Variants in ME1 observed in about 807,000 individuals in gnomAD.
ME1 encodes the protein malic enzyme 1, also known as NADP-dependent malic enzyme.
A neutral mutation model predicts 66.4 loss-of-function variants in ME1; 74 were observed. That is an observed-to-expected ratio of 1.11 (90% confidence interval 0.92 to 1.35). The LOEUF (loss-of-function observed/expected upper bound fraction) is 1.35. Among genes scored for constraint, ME1 ranks in the 40% most tolerant of loss-of-function variants. The pLI is 0.00. For synonymous variants in ME1, 251 were observed against 235.6 expected (o/e 1.07, Z -0.60); for missense variants, 750 against 694.1 (o/e 1.08, Z -0.90).
chr6:83,272,246 T>C (rs1767096452), intron 6 of ME1, among the ~76,000 whole-genome samples: 3 of 152,092 alleles, frequency 2.0e-5, no homozygotes, highest in African/African-American at 7.2e-5. Flanking sequence ...AACAAATCTA[T>C]AAAAATTTAC....
intron 3 of ME1, among the ~76,000 whole-genome samples, chr6:83,382,626 T>C (rs1769427819): frequency 6.6e-6 from 1 of 152,048 alleles, no homozygotes; most frequent in African/African-American, 2.4e-5. Flanking sequence ...ACTCCAGTAT[T>C]TGAGAAAATA....
intron 6 of ME1, among the ~76,000 whole-genome samples, chr6:83,303,364 A>G (rs1767765245): frequency 1.3e-5 from 2 of 152,188 alleles, no homozygotes; most frequent in South Asian, 2.1e-4. Flanking sequence ...TAACTGTACA[A>G]TTAATATGTA....
chr6:83,253,056 A>T (rs965123349), intron 7 of ME1, among the ~76,000 whole-genome samples: 4 of 152,096 alleles, frequency 2.6e-5, no homozygotes, highest in African/African-American at 9.7e-5. Context: ...GCTTCCCCCT[A>T]CCTTCCAATA....
intron 4 of ME1, among the ~76,000 whole-genome samples, chr6:83,350,971 C>CAAAAAAAAAA (rs34259968): frequency 3.6e-5 from 2 of 55,780 alleles, no homozygotes; most frequent in African/African-American, 6.2e-5. Flanking sequence ...GTGGAGAAAG[C>CAAAAAAAAAA]AAAAAAAAAA....
intron 6 of ME1, among the ~76,000 whole-genome samples, chr6:83,257,206 TAAAA>T (rs966307159): frequency 2.0e-5 from 3 of 150,968 alleles, no homozygotes; most frequent in African/African-American, 4.9e-5. Flanking sequence ...AAAAAATAAA[TAAAA>T]AATAAATAAA....
At chr6:83,296,636 C>A (rs1203251092) in intron 6 of ME1, among the ~76,000 whole-genome samples, 1 of 152,170 alleles carries the variant, frequency 6.6e-6, no homozygotes, top group African/African-American at 2.4e-5. Context: ...CTCACTACTC[C>A]TATTAAACAC....
intron 13 of ME1, among the ~76,000 whole-genome samples, chr6:83,212,977 T>G (rs1789922726): frequency 6.6e-6 from 1 of 152,026 alleles, no homozygotes; most frequent in Admixed American, 6.5e-5. Context: ...CTACTTTCTT[T>G]AAATGGATTC....
intron 6 of ME1, among the ~76,000 whole-genome samples, chr6:83,314,917 A>G (rs1219508503): frequency 6.6e-6 from 1 of 152,118 alleles, no homozygotes; most frequent in Non-Finnish European, 1.5e-5. Context: ...ACCATAAGAG[A>G]GTCAAATACC....
chr6:83,387,404 C>T (rs1769530639), intron 3 of ME1, among the ~76,000 whole-genome samples: 1 of 151,998 alleles, frequency 6.6e-6, no homozygotes, highest in Non-Finnish European at 1.5e-5. Flanking sequence ...TTTCTTGCTG[C>T]TATTTCACAA....
intron 3 of ME1, among the ~76,000 whole-genome samples, chr6:83,370,568 T>A (rs945271136): frequency 3.3e-5 from 5 of 152,108 alleles, no homozygotes; most frequent in Non-Finnish European, 5.9e-5. Flanking sequence ...CAAATATCCA[T>A]CCTACTCATC....
chr6:83,250,277 A>G (rs1158016946), intron 7 of ME1, among the ~76,000 whole-genome samples: 2 of 152,104 alleles, frequency 1.3e-5, no homozygotes, highest in Non-Finnish European at 2.9e-5. Context: ...AAAGAAATAA[A>G]TATTTCTTTA....
chr6:83,344,389 A>G (rs1391745518), intron 5 of ME1, among the ~76,000 whole-genome samples: 1 of 152,112 alleles, frequency 6.6e-6, no homozygotes, highest in African/African-American at 2.4e-5. Flanking sequence ...GATATATTAC[A>G]TATTTTTGTG....
intron 3 of ME1, among the ~76,000 whole-genome samples, chr6:83,362,917 C>A (rs927351854): frequency 6.6e-6 from 1 of 152,180 alleles, no homozygotes; most frequent in African/African-American, 2.4e-5. Flanking sequence ...CTGGTCTTAC[C>A]ATGTTTCCTA....
chr6:83,293,582 G>C (rs1036614721), intron 6 of ME1, among the ~76,000 whole-genome samples: 1 of 152,034 alleles, frequency 6.6e-6, no homozygotes, highest in African/African-American at 2.4e-5. Context: ...GCCATGCCTA[G>C]AGCTTTAACC....
intron 6 of ME1, among the ~76,000 whole-genome samples, chr6:83,304,020 G>A (rs1470593040): frequency 1.3e-5 from 2 of 151,992 alleles, no homozygotes; most frequent in African/African-American, 4.8e-5. Context: ...AATCCTTCCT[G>A]AAAAATAAAA....
chr6:83,290,158 G>A (rs910159144), intron 6 of ME1, among the ~76,000 whole-genome samples: 38 of 151,518 alleles, frequency 2.5e-4, no homozygotes, highest in African/African-American at 7.0e-4. Context: ...GTTATTTCTC[G>A]TCTTCTGCTA....
At chr6:83,423,983 A>G (rs1770320264) in intron 1 of ME1, among the ~76,000 whole-genome samples, 1 of 151,726 alleles carries the variant, frequency 6.6e-6, no homozygotes, top group African/African-American at 2.4e-5. Context: ...GATGGTGTGC[A>G]CCTGAAGTTC....
At chr6:83,364,645 A>G (rs1366095362) in intron 3 of ME1, among the ~76,000 whole-genome samples, 1 of 152,182 alleles carries the variant, frequency 6.6e-6, no homozygotes, top group Non-Finnish European at 1.5e-5. Context: ...CCCAATGGAC[A>G]GAGCTAGAGA....
At chr6:83,301,108 G>A (rs1170517) in intron 6 of ME1, among the ~76,000 whole-genome samples, 88,457 of 151,874 alleles carry the variant, frequency 0.58, 28,844 homozygotes, top group African/African-American at 0.9. Context: ...TGACGAGTCA[G>A]TGGGTGCAGC....
Sources: gnomAD v4.1 joint callset for allele counts (sites outside exome capture counted in the v4.1 genomes callset) on GRCh38, gnomAD v4.1.1 for gene constraint, MANE v1.5 for transcripts, NCBI Gene and HGNC (gene_info 2026-07-23, HGNC 2026-07-21) for gene names.